The following EXOC6B variants were observed in gnomAD, a reference collection of about 807,000 sequenced individuals.
The protein encoded by EXOC6B is SEC15 homolog B.
Under a neutral mutation model 113.5 loss-of-function variants are expected in EXOC6B, and 54 were observed. The observed-to-expected ratio is 0.48, with a 90% confidence interval of 0.38 to 0.60. The LOEUF is 0.60. Among genes scored for constraint, EXOC6B ranks in the 20% least tolerant of loss-of-function variants. The pLI is 0.00. For missense variants in EXOC6B, 797 were observed against 977.5 expected (o/e 0.82, Z 2.46); for synonymous variants, 357 against 339.0 (o/e 1.05, Z -0.58).
chr2:72,751,257 A>C (rs932487317), intron 1 of EXOC6B, among the ~76,000 whole-genome samples: 2 of 152,126 alleles, frequency 1.3e-5, no homozygotes, highest in Non-Finnish European at 2.9e-5. Context: ...CAATCAATAC[A>C]TGTAAGATTT....
chr2:72,388,665 G>C (rs1020410616), intron 18 of EXOC6B, among the ~76,000 whole-genome samples: 2 of 152,040 alleles, frequency 1.3e-5, no homozygotes, highest in Admixed American at 6.6e-5. Flanking sequence ...AAAATTAGCA[G>C]CTGCAATTAT....
At chr2:72,443,710 G>A (rs577390259) in intron 18 of EXOC6B, among the ~76,000 whole-genome samples, 3 of 152,234 alleles carry the variant, frequency 2.0e-5, no homozygotes, top group South Asian at 4.2e-4. Flanking sequence ...TATGTGCAGG[G>A]GAACTCCCCT....
intron 6 of EXOC6B, among the ~76,000 whole-genome samples, chr2:72,642,176 T>C (rs1011451128): frequency 2.0e-5 from 3 of 151,772 alleles, no homozygotes; most frequent in Non-Finnish European, 2.9e-5. Context: ...ATCGTGAAAA[T>C]GGCCATACTG....
intron 18 of EXOC6B, among the ~76,000 whole-genome samples, chr2:72,439,801 CT>C (rs1317575196): frequency 6.6e-6 from 1 of 152,198 alleles, no homozygotes; most frequent in Non-Finnish European, 1.5e-5. Flanking sequence ...AGAGGGTACT[CT>C]GGCTTTTTGA....
chr2:72,348,614 T>G (rs1015493365), intron 19 of EXOC6B, among the ~76,000 whole-genome samples: 1 of 152,178 alleles, frequency 6.6e-6, no homozygotes, highest in Non-Finnish European at 1.5e-5. Flanking sequence ...GTTTTTAAAA[T>G]GAAGACAGCT....
intron 21 of EXOC6B, among the ~76,000 whole-genome samples, chr2:72,183,657 G>C (rs939651064): frequency 1.3e-5 from 2 of 152,166 alleles, no homozygotes; most frequent in African/African-American, 4.8e-5. Context: ...CTAGGAACCA[G>C]AGAAACCATC....
chr2:72,513,510 T>A (rs1331662878), intron 10 of EXOC6B, among the ~76,000 whole-genome samples: 1 of 152,016 alleles, frequency 6.6e-6, no homozygotes, highest in African/African-American at 2.4e-5. Flanking sequence ...ATGTTAACAA[T>A]GCTATCCAGT....
At chr2:72,440,985 G>A (rs1291310081) in intron 18 of EXOC6B, among the ~76,000 whole-genome samples, 1 of 152,038 alleles carries the variant, frequency 6.6e-6, no homozygotes, top group Non-Finnish European at 1.5e-5. Context: ...TTTATCATCT[G>A]GTTATTTTGC....
chr2:72,681,130 A>G (rs1676670820), intron 6 of EXOC6B, among the ~76,000 whole-genome samples: 1 of 152,194 alleles, frequency 6.6e-6, no homozygotes, highest in Non-Finnish European at 1.5e-5. Flanking sequence ...AAAGTCTATC[A>G]TGATCTAGCT....
intron 6 of EXOC6B, among the ~76,000 whole-genome samples, chr2:72,664,696 T>C (rs184223665): frequency 7.2e-4 from 110 of 152,318 alleles, no homozygotes; most frequent in African/African-American, 2.5e-3. Flanking sequence ...GTCTTTCCCA[T>C]GGGACTGGAG....
chr2:72,540,273 T>C (rs532140903), intron 8 of EXOC6B, among the ~76,000 whole-genome samples: 1 of 152,224 alleles, frequency 6.6e-6, no homozygotes, highest in East Asian at 1.9e-4. Flanking sequence ...CATGTGTCTT[T>C]ATAGCAGCAT....
chr2:72,179,975 C>G (rs954571872), intron 21 of EXOC6B, among the ~76,000 whole-genome samples: 1 of 152,242 alleles, frequency 6.6e-6, no homozygotes. Context: ...CTAAACCTCA[C>G]TCTAGCTGGC....
intron 1 of EXOC6B, among the ~76,000 whole-genome samples, chr2:72,789,235 G>A (rs552136728): frequency 8.5e-5 from 13 of 152,302 alleles, no homozygotes; most frequent in Middle Eastern, 3.4e-3. Flanking sequence ...CTTCTAAGAA[G>A]CAGTATTGAC....
intron 6 of EXOC6B, among the ~76,000 whole-genome samples, chr2:72,677,995 A>T (rs1676431813): frequency 6.6e-6 from 1 of 152,100 alleles, no homozygotes; most frequent in Non-Finnish European, 1.5e-5. Context: ...TTGCAGTAGG[A>T]CTCTCTAGAT....
At chr2:72,383,629 C>G (rs1691823131) in intron 18 of EXOC6B, among the ~76,000 whole-genome samples, 1 of 152,052 alleles carries the variant, frequency 6.6e-6, no homozygotes, top group Admixed American at 6.6e-5. Flanking sequence ...CCCATCAACC[C>G]AACAATCCTA....
chr2:72,438,162 G>A (rs923147032), intron 18 of EXOC6B, among the ~76,000 whole-genome samples: 2 of 152,070 alleles, frequency 1.3e-5, no homozygotes, highest in South Asian at 4.2e-4. Flanking sequence ...ACTAAACAAT[G>A]CAAAGGAAAC....
At chr2:72,370,264 CTCA>C in intron 19 of EXOC6B, among the ~76,000 whole-genome samples, 1 of 152,266 alleles carries the variant, frequency 6.6e-6, no homozygotes, top group East Asian at 1.9e-4. Context: ...TGAAAAAATG[CTCA>C]TCATCACTAG....
intron 6 of EXOC6B, among the ~76,000 whole-genome samples, chr2:72,654,178 G>A (rs1674427448): frequency 6.6e-6 from 1 of 152,130 alleles, no homozygotes; most frequent in Admixed American, 6.5e-5. Context: ...CACCGTGTTA[G>A]CCAGGATGGT....
At chr2:72,427,262 C>T (rs1695250181) in intron 18 of EXOC6B, among the ~76,000 whole-genome samples, 1 of 152,174 alleles carries the variant, frequency 6.6e-6, no homozygotes, top group Admixed American at 6.5e-5. Flanking sequence ...GGACCTCAAG[C>T]CCCCACCCCA....
Sources: allele counts gnomAD v4.1 joint callset (sites outside exome capture counted in the v4.1 genomes callset), GRCh38; gene constraint gnomAD v4.1.1; transcripts MANE v1.5; gene names NCBI Gene and HGNC (gene_info 2026-07-23, HGNC 2026-07-21).